GPATCH8: variants seen among roughly 807,000 people sequenced by gnomAD.
The protein encoded by GPATCH8 is G-patch domain containing 8.
A neutral mutation model predicts 118.3 loss-of-function variants in GPATCH8; 18 were observed. That is an observed-to-expected ratio of 0.15 (90% CI 0.11 to 0.23). The LOEUF is 0.23. Among genes scored for constraint, GPATCH8 ranks in the 10% least tolerant of loss-of-function variants. GPATCH8 has a pLI of 1.00. For synonymous variants in GPATCH8, 659 were observed against 684.7 expected (o/e 0.96, Z 0.59); for missense variants, 1,631 against 1,873.8 (o/e 0.87, Z 2.39).
chr17:44,430,221 T>A (rs1377779918), intron 5 of GPATCH8, among the ~76,000 whole-genome samples: 1 of 152,116 alleles, frequency 6.6e-6, no homozygotes, highest in Non-Finnish European at 1.5e-5. Flanking sequence ...TACAAAGACA[T>A]TACAAGAAAA....
intron 3 of GPATCH8, among the ~76,000 whole-genome samples, chr17:44,453,928 C>A (rs1478900271): frequency 9.2e-6 from 1 of 109,280 alleles, no homozygotes; most frequent in Admixed American, 1.0e-4. Flanking sequence ...TGAAGTTTAA[C>A]CTCAAAAAAA....
intron 3 of GPATCH8, among the ~76,000 whole-genome samples, chr17:44,448,426 G>C (rs756108564): frequency 7.1e-6 from 1 of 140,456 alleles, no homozygotes; most frequent in Non-Finnish European, 1.5e-5. Flanking sequence ...CAGACATGGT[G>C]GCAAATGCCT....
chr17:44,498,867 T>C (rs1456281959), intron 1 of GPATCH8, among the ~76,000 whole-genome samples: 1 of 152,220 alleles, frequency 6.6e-6, no homozygotes, highest in Non-Finnish European at 1.5e-5. Context: ...AATACACTAA[T>C]ATGCTTCTGT....
rs760372519 is a variant in GPATCH8 at position 44,474,829 on chromosome 17, C to A, written c.120G>T (p.Ser40=). ...CGAAATTAAGCACTGATTATCTTAC[C>A]GATTCTATAGGCTTGTCAAGTGACG... The part of the protein sequence containing the change: ...EQASLDKPIE[S]DNIGHRLLQK... Residue 40 remains serine, a splice_region_variant and synonymous_variant, in exon 2 of 8, where the codon TCG becomes TCT. Transcript: ENST00000591680. 6.6e-7 allele frequency: 1 copy of A among 1,519,442 alleles called. No homozygotes were observed. The allele number at this position is 1,519,442 out of a possible 1,614,324, so 94.1% of individuals were successfully genotyped here.
chr17:44,424,324 C>T, intron 6 of GPATCH8, 25 bp downstream of exon 6: 1 of 1,510,494 alleles, frequency 6.6e-7, no homozygotes, highest in Non-Finnish European at 9.2e-7. Context: ...GTACCTTCTT[C>T]TGTTAGCAAG....
At chr17:44,460,449 CAATTT>C (rs1413046257) in intron 3 of GPATCH8, among the ~76,000 whole-genome samples, 2 of 152,070 alleles carry the variant, frequency 1.3e-5, no homozygotes, top group Non-Finnish European at 2.9e-5. Context: ...TTACAAAGTA[CAATTT>C]AATATCCTGC....
intron 3 of GPATCH8, among the ~76,000 whole-genome samples, chr17:44,443,199 T>TA (rs1035204809): frequency 1.3e-5 from 2 of 152,074 alleles, no homozygotes; most frequent in Admixed American, 1.3e-4. Context: ...AAAATCAAGA[T>TA]AAAAAAAATT....
At chr17:44,481,837 C>T (rs186727573) in intron 1 of GPATCH8, among the ~76,000 whole-genome samples, 365 of 152,174 alleles carry the variant, frequency 2.4e-3, no homozygotes, top group African/African-American at 8.7e-3. Context: ...ATTCATAGAA[C>T]TAGGCTGGGC....
chr17:44,398,774 T>C lies in GPATCH8; in HGVS notation c.3303A>G (p.Lys1101=), dbSNP rs2048882039. The C allele has an allele frequency of 6.2e-7, 1 of 1,613,896 alleles. No individual in the cohort carries two copies. The highest frequency in any genetic ancestry group is 1.3e-5 in the African/African-American group (1 of 75,020). Residue 1101 remains lysine (K), a synonymous_variant, in exon 8 of 8, where the codon AAA becomes AAG. Transcript: ENST00000591680. ...KLLLEKIQSR[K]VERKPSVSEE... Reference sequence around the variant, plus strand: ...CACTCACACTAGGTTTCCTCTCCACTTTCCTTGACTGGATCTTCTCCAGTA... The same window carrying C: ...CACTCACACTAGGTTTCCTCTCCACCTTCCTTGACTGGATCTTCTCCAGTA...
chr17:44,414,079 A>ATATG (rs908415895), intron 6 of GPATCH8, among the ~76,000 whole-genome samples: 28 of 129,892 alleles, frequency 2.2e-4, no homozygotes, highest in African/African-American at 5.7e-4. Flanking sequence ...ATATATATAT[A>ATATG]TGTGTGTGTA....
chr17:44,489,054 C>T (rs769714906), intron 1 of GPATCH8, among the ~76,000 whole-genome samples: 15 of 151,650 alleles, frequency 9.9e-5, no homozygotes, highest in Middle Eastern at 3.4e-3. Context: ...GTGAGACTCC[C>T]ATCTCAAAAA....
intron 3 of GPATCH8, among the ~76,000 whole-genome samples, chr17:44,440,352 C>G (rs1189044390): frequency 4.6e-5 from 7 of 152,200 alleles, no homozygotes; most frequent in African/African-American, 1.7e-4. Flanking sequence ...ATGTATTAAT[C>G]TGATGGAAAA....
intron 2 of GPATCH8, among the ~76,000 whole-genome samples, chr17:44,466,107 T>G (rs1366368205): frequency 6.6e-6 from 1 of 152,062 alleles, no homozygotes; most frequent in Non-Finnish European, 1.5e-5. Flanking sequence ...AGCCTTGACC[T>G]CCTGGGCTCA....
At chr17:44,470,113 T>G (rs1310910725) in intron 2 of GPATCH8, among the ~76,000 whole-genome samples, 1 of 152,228 alleles carries the variant, frequency 6.6e-6, no homozygotes. Flanking sequence ...GGCTGATGGG[T>G]AGTTGCACTT....
chr17:44,414,549 T>A (rs889584855), intron 6 of GPATCH8, among the ~76,000 whole-genome samples: 1 of 152,202 alleles, frequency 6.6e-6, no homozygotes, highest in Admixed American at 6.5e-5. Flanking sequence ...GATCAAGGGA[T>A]CCTCCTGCCT....
chr17:44,496,333 A>T (rs572912686), intron 1 of GPATCH8, among the ~76,000 whole-genome samples: 2 of 152,316 alleles, frequency 1.3e-5, no homozygotes, highest in Non-Finnish European at 2.9e-5. Flanking sequence ...CTTTTCCAAC[A>T]ATGTCATTAT....
chr17:44,490,574 A>C (rs760312163), intron 1 of GPATCH8, among the ~76,000 whole-genome samples: 22 of 152,194 alleles, frequency 1.4e-4, no homozygotes, highest in Non-Finnish European at 2.8e-4. Flanking sequence ...TATGCTTTCA[A>C]AGTTGAAATA....
At chr17:44,424,199 G>GA (rs1201562662) in intron 6 of GPATCH8, 150 bp downstream of exon 6, 19 of 663,902 alleles carry the variant, frequency 2.9e-5, no homozygotes, top group South Asian at 5.1e-5. Context: ...TTCTGCCACT[G>GA]AAAAAACAAA....
chr17:44,413,615 A>AAT lies in GPATCH8; in HGVS notation c.493-7565_493-7564insAT, dbSNP rs879737127. On this transcript the variant is annotated intron_variant, in intron 6 of 7. Transcript: ENST00000591680. ...CTCAGCCTCCTGAGAAGCTGGGACCATAGATGCGTGCCACCACACCGGGCT... is the reference window on the plus strand; with the variant it reads ...CTCAGCCTCCTGAGAAGCTGGGACCAATTAGATGCGTGCCACCACACCGGGCT... Among the ~76,000 whole-genome samples, 1,130 of 152,296 alleles carry AAT rather than the reference A, an allele frequency of 7.4e-3. 9 individuals are homozygous for AAT. Among genetic ancestry groups the AAT allele is most frequent in the Non-Finnish European group, 0.013 (871 of 68,026 alleles).
Sources: allele counts gnomAD v4.1 joint callset (sites outside exome capture counted in the v4.1 genomes callset), GRCh38; gene constraint gnomAD v4.1.1; transcripts MANE v1.5; gene names NCBI Gene and HGNC (gene_info 2026-07-23, HGNC 2026-07-21).